Variants in DDX60 observed in about 807,000 individuals in gnomAD.
DDX60 encodes the protein DExD/H-box helicase 60.
A neutral mutation model predicts 212.8 loss-of-function variants in DDX60; 165 were observed. The observed-to-expected ratio is 0.78, with a 90% CI of 0.68 to 0.88. DDX60 has a LOEUF of 0.88. Ranked by LOEUF, DDX60 falls within the 40% of genes least tolerant of loss-of-function variation. The pLI, the probability that DDX60 is intolerant of heterozygous loss-of-function variation, is 0.00. For synonymous variants in DDX60, 703 were observed against 685.3 expected, an observed-to-expected ratio of 1.03 and a Z score of -0.40; for missense variants, 1,905 against 2,003.9, an observed-to-expected ratio of 0.95 and a Z score of 0.94.
At chr4:168,265,537 T>C (rs886347027) in intron 22 of DDX60, 2 of 152,194 alleles carry the variant, frequency 1.3e-5, no homozygotes, top group Non-Finnish European at 2.9e-5. Context: ...TACAACAGCA[T>C]GACCTTTGCA....
intron 37 of DDX60, among the ~76,000 whole-genome samples, chr4:168,219,798 A>G (rs531058893): frequency 6.6e-6 from 1 of 152,244 alleles, no homozygotes; most frequent in East Asian, 1.9e-4. Flanking sequence ...GCACTTTGGG[A>G]GGGCAAGGCA....
chr4:168,238,237 A>G (rs200721996), intron 30 of DDX60, among the ~76,000 whole-genome samples: 41 of 34,080 alleles, frequency 1.2e-3, no homozygotes, highest in South Asian at 2.7e-3. Context: ...ATGAAATTCC[A>G]AAAAAAAAAA....
Position 168,280,510 on chromosome 4 carries a change from C to T in DDX60, c.1803G>A (p.Trp601Ter), listed in dbSNP as rs769852093. 67 of 1,613,996 alleles carry T rather than the reference C, an allele frequency of 4.2e-5. No individual in the cohort carries two copies. Among genetic ancestry groups the T allele is most frequent in the Non-Finnish European group, 4.8e-5 (57 of 1,180,012 alleles). ...CTTCAATAGAAAATGACAAAGCATT[C>T]CACTTTTGCTCTTCCTTTTGTTCTT... ...AREEQKEEQKWNALSFSIEEQ... is the reference protein window; with the variant it reads ...AREEQKEEQK The change falls in exon 14 of 38, where the codon TGG (tryptophan) becomes TGA (stop). Residue 601 changes from tryptophan (W) to a stop codon, truncating the protein, a stop_gained. Transcript: ENST00000393743. LOFTEE classifies it high-confidence loss of function.
intron 29 of DDX60, among the ~76,000 whole-genome samples, chr4:168,246,998 A>G (rs1734047141): frequency 6.6e-6 from 1 of 152,144 alleles, no homozygotes; most frequent in Admixed American, 6.6e-5. Flanking sequence ...CCCATCTCTC[A>G]TCCCTTTTCT....
In DDX60 at chr4:168,273,813, T is replaced by C. The variant is rs566147848; in HGVS notation, c.2454+121A>G. On this transcript the variant is annotated intron_variant, in intron 17 of 37. Coordinates refer to ENST00000393743, the MANE Select transcript of DDX60 (RefSeq NM_017631.6). ...TGTATATTATTTTAGCTTCAGACAC[T>C]GAAACAAGAAAATGCAGGTTAAAAA... 2.3e-5 allele frequency: 27 copies of C among 1,184,568 alleles called. No individual in the cohort carries two copies. In the East Asian group the frequency reaches 6.0e-4, roughly 26 times the overall value. 73.4% of individuals were successfully genotyped at this position (1,184,568 alleles called of 1,614,324 possible).
Position 168,280,602 on chromosome 4 carries a change from G to GA in DDX60, c.1723-13dup, listed in dbSNP as rs1560853495. 2 of 1,590,058 alleles carry GA rather than the reference G, an allele frequency of 1.3e-6. No individual in the cohort carries two copies. Among genetic ancestry groups the GA allele is most frequent in the African/African-American group, 1.4e-5 (1 of 73,070 alleles). On this transcript the variant is annotated splice_polypyrimidine_tract_variant and intron_variant, in intron 13 of 37. Transcript: ENST00000393743. ...TCAGCCTTGGTCTCCTGCCCCAAAG[G>GA]AAAAAACATCTCTTAAGACAAGTTG...
chr4:168,224,279 A>T lies in DDX60; in HGVS notation c.4788T>A (p.Phe1596Leu). 6.2e-7 allele frequency: 1 copy of T among 1,612,570 alleles called. No individual in the cohort carries two copies. Among genetic ancestry groups the T allele is most frequent in the Non-Finnish European group, 8.5e-7 (1 of 1,178,988 alleles). Residue 1596 changes from phenylalanine to leucine, a missense_variant, in exon 35 of 38, where the codon TTT becomes TTA. Coordinates refer to ENST00000393743, the MANE Select transcript of DDX60 (RefSeq NM_017631.6). ...ISPFVCLSGN[F>L]DDDLLRLETP... The stretch of plus-strand genomic sequence containing the variant: ...TTTCTAGTCGAAGCAAATCATCATC[A>T]AAGTTCCCAGACAGACAAACAAATG...
intron 5 of DDX60, among the ~76,000 whole-genome samples, chr4:168,304,820 G>C (rs503950): frequency 0.014 from 2,155 of 152,076 alleles, 54 homozygotes; most frequent in African/African-American, 0.05. Context: ...CTAATGTTAA[G>C]GTATTAAATA....
intron 6 of DDX60, among the ~76,000 whole-genome samples, chr4:168,301,354 A>G (rs1334565018): frequency 6.6e-6 from 1 of 150,870 alleles, no homozygotes; most frequent in African/African-American, 2.4e-5. Context: ...TTCCTTGGCA[A>G]AGTAGTTAAT....
chr4:168,287,311 T>A, intron 9 of DDX60, 108 bp from the exon 10 acceptor site: 1 of 1,073,202 alleles, frequency 9.3e-7, no homozygotes, highest in Non-Finnish European at 1.4e-6. Context: ...ACTTTCCACA[T>A]AGTGAAATTT....
At chr4:168,254,350 C>T (rs1285989024) in intron 26 of DDX60, among the ~76,000 whole-genome samples, 3 of 152,170 alleles carry the variant, frequency 2.0e-5, no homozygotes, top group Non-Finnish European at 4.4e-5. Flanking sequence ...ACCTCCTATG[C>T]TGTCCCTGGG....
intron 12 of DDX60, 66 bp downstream of exon 12, chr4:168,284,754 A>G: frequency 1.3e-6 from 1 of 760,218 alleles, no homozygotes; most frequent in Non-Finnish European, 2.0e-6. Flanking sequence ...ATAATTTTCC[A>G]CTATAAAATA....
chr4:168,256,084 T>G (rs1734398871), intron 25 of DDX60, among the ~76,000 whole-genome samples: 1 of 144,612 alleles, frequency 6.9e-6, no homozygotes, highest in Non-Finnish European at 1.5e-5. Context: ...CCTCCCCTTC[T>G]CCCTCCCCAC....
chr4:168,228,739 T>C (rs1471104701), intron 33 of DDX60, among the ~76,000 whole-genome samples: 2 of 152,116 alleles, frequency 1.3e-5, no homozygotes, highest in Non-Finnish European at 2.9e-5. Context: ...CACATAACCC[T>C]TTCTATTGTG....
At chr4:168,288,780 C>A (rs1264915586) in intron 8 of DDX60, among the ~76,000 whole-genome samples, 1 of 152,190 alleles carries the variant, frequency 6.6e-6, no homozygotes, top group Non-Finnish European at 1.5e-5. Context: ...TTCCCATCCA[C>A]CTACCTGGCT....
chr4:168,273,211 C>G, intron 18 of DDX60, 68 bp downstream of exon 18: 1 of 1,424,786 alleles, frequency 7.0e-7, no homozygotes, highest in Non-Finnish European at 9.5e-7. Context: ...TGTTGAATTT[C>G]TAGTCAAAGA....
At chr4:168,305,219 C>T (rs963655323) in intron 5 of DDX60, among the ~76,000 whole-genome samples, 34 of 152,328 alleles carry the variant, frequency 2.2e-4, no homozygotes, top group African/African-American at 6.5e-4. Flanking sequence ...TGTCTGTACA[C>T]TAACGATGTT....
At chr4:168,260,833 C>T (rs1034327437) in intron 25 of DDX60, 32 bp downstream of exon 25, 95 of 1,579,772 alleles carry the variant, frequency 6.0e-5, no homozygotes, top group Non-Finnish European at 8.1e-5. Context: ...AATACAATTA[C>T]AAGCAAAACC....
In DDX60 at chr4:168,274,054, A is replaced by C. The variant is rs756189602; in HGVS notation, c.2334T>G (p.Asn778Lys). 6.2e-7 allele frequency: 1 copy of C among 1,614,188 alleles called. No homozygotes were observed. The highest frequency in any genetic ancestry group is 1.7e-5 in the Admixed American group (1 of 60,024). Residue 778 changes from asparagine (N) to lysine (K), a missense_variant, in exon 17 of 38, where the codon AAT becomes AAG. Coordinates refer to ENST00000393743, the MANE Select transcript of DDX60 (RefSeq NM_017631.6). Reference protein sequence around the residue: ...QRELLDVVDKNESAVIVAPTS... With the variant: ...QRELLDVVDKKESAVIVAPTS... Reference sequence around the variant, plus strand: ...TTGGGGCAACAATCACTGCTGACTCATTCTTATCCACAACATCAAGGAGCT... The same window carrying C: ...TTGGGGCAACAATCACTGCTGACTCCTTCTTATCCACAACATCAAGGAGCT...
Sources: allele counts gnomAD v4.1 joint callset (sites outside exome capture counted in the v4.1 genomes callset), GRCh38; gene constraint gnomAD v4.1.1; transcripts MANE v1.5; gene names NCBI Gene and HGNC (gene_info 2026-07-23, HGNC 2026-07-21).